The following DRC9 variants were observed in gnomAD, a reference collection of about 807,000 sequenced individuals.
DRC9 encodes dynein regulatory complex protein 9.
At chr3:197,922,481 G>T in the DRC9 span, among the ~76,000 whole-genome samples, 1 of 152,172 alleles carries the variant, frequency 6.6e-6, no homozygotes, top group East Asian at 1.9e-4. Context: ...CGAGGCGGGT[G>T]GATCACCTGA....
chr3:197,894,303 T>C, the DRC9 span, among the ~76,000 whole-genome samples: 1 of 152,172 alleles, frequency 6.6e-6, no homozygotes, highest in African/African-American at 2.4e-5. Context: ...ACAATGCGCA[T>C]ATATATACAT....
chr3:197,952,162 G>GTTTTTTT, the DRC9 span, among the ~76,000 whole-genome samples: 23 of 83,888 alleles, frequency 2.7e-4, no homozygotes, highest in African/African-American at 1.1e-3. Context: ...AAAATTATGG[G>GTTTTTTT]TTTTTTTTTT....
the DRC9 span, among the ~76,000 whole-genome samples, chr3:197,893,337 A>G: frequency 6.9e-6 from 1 of 145,972 alleles, no homozygotes; most frequent in Non-Finnish European, 1.5e-5. Context: ...AGCCTGGGCA[A>G]TAATAGCAAA....
At chr3:197,957,035 C>T in the DRC9 span, 1 of 152,064 alleles carries the variant, frequency 6.6e-6, no homozygotes, top group African/African-American at 2.4e-5. Flanking sequence ...GTCTATGCTG[C>T]AAAAGAATTA....
At chr3:197,921,047 T>A in the DRC9 span, among the ~76,000 whole-genome samples, 1 of 148,724 alleles carries the variant, frequency 6.7e-6, no homozygotes, top group Non-Finnish European at 1.5e-5. Flanking sequence ...GGATTTAACC[T>A]GATTTCATCT....
the DRC9 span, chr3:197,914,031 C>A: frequency 6.2e-7 from 1 of 1,613,838 alleles, no homozygotes; most frequent in South Asian, 1.1e-5. Flanking sequence ...TAGCAATATA[C>A]TCATTCTGAC....
chr3:197,949,896 T>G, the DRC9 span: 3 of 397,234 alleles, frequency 7.6e-6, no homozygotes, highest in South Asian at 2.8e-4. Flanking sequence ...CCTTTCCACC[T>G]ACGGCGTCCG....
chr3:197,899,086 G>A, the DRC9 span, among the ~76,000 whole-genome samples: 1 of 152,110 alleles, frequency 6.6e-6, no homozygotes, highest in African/African-American at 2.4e-5. Flanking sequence ...GGAGACGTAA[G>A]TTACAAAAAA....
the DRC9 span, chr3:197,959,597 C>G: frequency 6.6e-6 from 1 of 152,196 alleles, no homozygotes; most frequent in Non-Finnish European, 1.5e-5. Flanking sequence ...TGTCATGAGC[C>G]ACTGGGATTT....
At chr3:197,937,604 G>A in the DRC9 span, among the ~76,000 whole-genome samples, 2 of 151,676 alleles carry the variant, frequency 1.3e-5, no homozygotes, top group African/African-American at 4.8e-5. Flanking sequence ...AGCTGGTGCC[G>A]AGGCACCTGA....
At chr3:197,954,286 A>G in the DRC9 span, 1 of 824,374 alleles carries the variant, frequency 1.2e-6, no homozygotes, top group Non-Finnish European at 2.1e-6. Context: ...ATTGCAGAAC[A>G]CTGGAGAGAT....
At chr3:197,904,512 T>G in the DRC9 span, among the ~76,000 whole-genome samples, 1 of 152,208 alleles carries the variant, frequency 6.6e-6, no homozygotes, top group Non-Finnish European at 1.5e-5. Flanking sequence ...ATTGCAGCAC[T>G]GTTCACAATA....
the DRC9 span, chr3:197,950,113 G>T: frequency 0.05 from 61,071 of 1,231,128 alleles, 1,695 homozygotes; most frequent in South Asian, 0.089. Flanking sequence ...TTTTTCTGGC[G>T]TTTGGAGAAG....
chr3:197,892,288 A>C, the DRC9 span, among the ~76,000 whole-genome samples: 16 of 152,226 alleles, frequency 1.1e-4, no homozygotes, highest in African/African-American at 3.9e-4. Flanking sequence ...CTCTCTCCAG[A>C]GGTCATAAAC....
the DRC9 span, among the ~76,000 whole-genome samples, chr3:197,926,275 C>T: frequency 6.6e-6 from 1 of 152,190 alleles, no homozygotes; most frequent in East Asian, 1.9e-4. Context: ...AGTTCCCAAG[C>T]AATGCTAACA....
the DRC9 span, among the ~76,000 whole-genome samples, chr3:197,917,243 G>A: frequency 3.9e-5 from 6 of 152,240 alleles, no homozygotes; most frequent in African/African-American, 7.2e-5. Context: ...CTTGAGCCCC[G>A]GAGGCCGAGG....
the DRC9 span, among the ~76,000 whole-genome samples, chr3:197,947,037 T>C: frequency 6.6e-6 from 1 of 152,064 alleles, no homozygotes; most frequent in Non-Finnish European, 1.5e-5. Context: ...TCTCGAACTC[T>C]TGACCTCAGG....
the DRC9 span, chr3:197,943,838 C>T: frequency 2.5e-5 from 40 of 1,614,150 alleles, no homozygotes; most frequent in African/African-American, 4.9e-4. Context: ...GAATAGAGAG[C>T]TGGTCTGTGG....
the DRC9 span, among the ~76,000 whole-genome samples, chr3:197,918,685 A>C: frequency 6.6e-6 from 1 of 152,214 alleles, no homozygotes; most frequent in Non-Finnish European, 1.5e-5. Context: ...ATGTTCTGGT[A>C]ATTTTTCTTT....
Sources: allele counts gnomAD v4.1 joint callset (sites outside exome capture counted in the v4.1 genomes callset), GRCh38; gene constraint gnomAD v4.1.1; transcripts MANE v1.5; gene names NCBI Gene and HGNC (gene_info 2026-07-23, HGNC 2026-07-21).